Variants in PITPNM2 observed in about 807,000 individuals in gnomAD.
PITPNM2 encodes membrane-associated phosphatidylinositol transfer protein 2.
A neutral mutation model predicts 132.2 loss-of-function variants in PITPNM2; 35 were observed. That is an observed-to-expected ratio of 0.26 (90% CI 0.20 to 0.35). PITPNM2 has a LOEUF of 0.35. PITPNM2 is among the 10% of genes least tolerant of loss of function. The pLI is 1.00. For synonymous variants in PITPNM2, 738 were observed against 799.2 expected (o/e 0.92, Z 1.29); for missense variants, 1,332 against 1,912.0 (o/e 0.70, Z 5.66).
In PITPNM2 at chr12:123,004,305, T is replaced by TCAGTCCA; in HGVS notation, c.1048+82_1048+88dup. 8.2e-7 allele frequency: 1 copy of TCAGTCCA among 1,217,946 alleles called. No individual in the cohort carries two copies. Among genetic ancestry groups the TCAGTCCA allele is most frequent in the Non-Finnish European group, 1.2e-6 (1 of 833,204 alleles). The allele number at this position is 1,217,946 out of a possible 1,614,324, so 75.4% of individuals were successfully genotyped here. On this transcript the variant is annotated intron_variant, in intron 8 of 25. Transcript: ENST00000320201. This position sits in a 1 kb window ranked among gnomAD's most constrained non-coding sequence, Gnocchi z 4.9. ...AGAATAGTAACAGGCAACACCCGCA[T>TCAGTCCA]CAGTCCACACCCACACCCTAAGCCC...
chr12:123,085,400 A>G (rs776987905), intron 2 of PITPNM2, among the ~76,000 whole-genome samples: 2 of 152,196 alleles, frequency 1.3e-5, no homozygotes, highest in African/African-American at 2.4e-5. Flanking sequence ...ATGCTGAGCA[A>G]AAGAAGCCAG....
chr12:123,106,410 T>TA lies in PITPNM2; in HGVS notation c.-96+3974dup, dbSNP rs74263735. 7.8e-3 allele frequency among the ~76,000 whole-genome samples: 1,130 copies of TA among 144,728 alleles called. 15 individuals carry two copies. Among genetic ancestry groups the TA allele is most frequent in the African/African-American group, 0.025 (1,002 of 40,048 alleles). The allele number at this position is 144,728 out of a possible 152,430, so 94.9% of individuals were successfully genotyped here. On this transcript the variant is annotated intron_variant, in intron 2 of 25. Transcript: ENST00000320201. The surrounding 1 kb of genome is among the most constrained non-coding windows in gnomAD (Gnocchi z 4.4). ...CTCTAAAATAAGTAAATAATTCCTT[T>TA]AAAAAAAAAAACAGGAAGAAAAGAA...
chr12:122,985,392 G>T lies in PITPNM2; in HGVS notation c.*635C>A, dbSNP rs1192707980. 1 of 152,468 alleles carries T rather than the reference G, an allele frequency of 6.6e-6. No homozygotes were observed. Among genetic ancestry groups the T allele is most frequent in the Non-Finnish European group, 1.5e-5 (1 of 68,062 alleles). The allele number at this position is 152,468 out of a possible 1,614,324, so 9.4% of individuals were successfully genotyped here. A position where few individuals can be genotyped will look rare whatever the true frequency, so the allele number is the denominator to read the frequency against. ...GGCAGACAGGTGGGCAGGGTCCGGG[G>T]TGCAGAAATTAAGATACAGCCTTTC... On this transcript the variant is annotated 3_prime_UTR_variant, in exon 26 of 26. Transcript: ENST00000320201.
chr12:123,057,617 G>T (rs1370552524), intron 2 of PITPNM2, among the ~76,000 whole-genome samples: 5 of 152,164 alleles, frequency 3.3e-5, no homozygotes, highest in Non-Finnish European at 7.4e-5. Context: ...CAGGCAATGG[G>T]CCTATGGACA....
chr12:123,075,109 TTG>T (rs930354173), intron 2 of PITPNM2, among the ~76,000 whole-genome samples: 38 of 152,284 alleles, frequency 2.5e-4, no homozygotes, highest in African/African-American at 9.1e-4. Flanking sequence ...GCACATGTAT[TTG>T]TGTGAGTGTG....
At chr12:123,143,479 T>C (rs2043549237) in intron 1 of PITPNM2, among the ~76,000 whole-genome samples, 1 of 152,144 alleles carries the variant, frequency 6.6e-6, no homozygotes, top group Non-Finnish European at 1.5e-5. Context: ...ATGACGTACG[T>C]ACGAACTCTT....
At chr12:123,109,268 A>T (rs1458646833) in intron 2 of PITPNM2, among the ~76,000 whole-genome samples, 1 of 152,152 alleles carries the variant, frequency 6.6e-6, no homozygotes, top group Non-Finnish European at 1.5e-5. Flanking sequence ...AGGAAAAATC[A>T]CTTTACCTCC....
chr12:123,140,177 G>A (rs2043474117), intron 1 of PITPNM2, among the ~76,000 whole-genome samples: 2 of 152,162 alleles, frequency 1.3e-5, no homozygotes, highest in African/African-American at 2.4e-5. Context: ...CCCGGGGAAC[G>A]CAGGCCCTAT....
chr12:123,096,642 C>T (rs2042417682), intron 2 of PITPNM2, among the ~76,000 whole-genome samples: 1 of 152,144 alleles, frequency 6.6e-6, no homozygotes, highest in African/African-American at 2.4e-5. Flanking sequence ...GGCCCGGGGG[C>T]ATCTGGAATC....
Position 122,993,097 on chromosome 12 carries a change from G to A in PITPNM2, c.2234-428C>T, listed in dbSNP as rs1296980563. On this transcript the variant is annotated intron_variant, in intron 15 of 25. Transcript: ENST00000320201. This position sits in a 1 kb window ranked among gnomAD's most constrained non-coding sequence, Gnocchi z 5.2. Reference sequence around the variant, plus strand: ...CCACCTGGGCCTCCCAAAGTGCTGGGATTACAGGCGTGAGCCACCACGCCT... The same window carrying A: ...CCACCTGGGCCTCCCAAAGTGCTGGAATTACAGGCGTGAGCCACCACGCCT... Among the ~76,000 whole-genome samples, 1 of 152,198 alleles carries A rather than the reference G, an allele frequency of 6.6e-6. No individual in the cohort carries two copies. The highest frequency in any genetic ancestry group is 1.5e-5 in the Non-Finnish European group (1 of 68,032).
At chr12:123,102,784 A>T (rs1278799835) in intron 2 of PITPNM2, among the ~76,000 whole-genome samples, 1 of 152,232 alleles carries the variant, frequency 6.6e-6, no homozygotes, top group Non-Finnish European at 1.5e-5. Flanking sequence ...CAATGAGAGG[A>T]CACCCCACAG....
rs2042846086 is a variant in PITPNM2, at chr12:123,111,961, C to A, written c.-199-1473G>T. 6.6e-6 allele frequency among the ~76,000 whole-genome samples: 1 copy of A among 152,110 alleles called. No homozygotes were observed. The highest frequency in any genetic ancestry group is 2.1e-4 in the South Asian group (1 of 4,820). ...GTTGAGGGTTTGCCATGGTAACGCACCCATCAATGGCGAGCCAGATTTGGT... is the reference window on the plus strand; with the variant it reads ...GTTGAGGGTTTGCCATGGTAACGCAACCATCAATGGCGAGCCAGATTTGGT... On this transcript the variant is annotated intron_variant, in intron 1 of 25. Coordinates refer to ENST00000320201, the MANE Select transcript of PITPNM2 (RefSeq NM_020845.3). This position sits in a 1 kb window ranked among gnomAD's most constrained non-coding sequence, Gnocchi z 4.1.
intron 11 of PITPNM2, 64 bp from the exon 12 acceptor site, chr12:122,996,974 C>T: frequency 7.1e-7 from 1 of 1,406,512 alleles, no homozygotes; most frequent in South Asian, 1.4e-5. Context: ...GGCCCCTCTC[C>T]CCTGACCTGA....
chr12:123,130,769 G>A (rs1305134820), intron 1 of PITPNM2, among the ~76,000 whole-genome samples: 1 of 152,108 alleles, frequency 6.6e-6, no homozygotes, highest in Non-Finnish European at 1.5e-5. Context: ...GACAGAGCGA[G>A]ACTCCATCTC....
intron 3 of PITPNM2, among the ~76,000 whole-genome samples, chr12:123,015,233 T>C (rs1001683260): frequency 1.3e-5 from 2 of 152,110 alleles, no homozygotes; most frequent in African/African-American, 4.8e-5. Flanking sequence ...GCCAAAACAA[T>C]CTTGAAAACA....
At chr12:122,998,805 A>C (rs2038536083) in intron 10 of PITPNM2, among the ~76,000 whole-genome samples, 1 of 152,092 alleles carries the variant, frequency 6.6e-6, no homozygotes. Flanking sequence ...CAGGGGCTGG[A>C]TCCAGGACTT....
At chr12:122,990,855 G>T in intron 16 of PITPNM2, 146 bp from the exon 17 acceptor site, 1 of 859,658 alleles carries the variant, frequency 1.2e-6, no homozygotes, top group Non-Finnish European at 1.7e-6. Flanking sequence ...TCAGGGCCGT[G>T]AGAGGAAGGG....
chr12:123,013,978 T>C lies in PITPNM2; in HGVS notation c.143A>G (p.Tyr48Cys). The change falls in exon 4 of 26, where the codon TAC becomes TGC. Residue 48 changes from tyrosine to cysteine, a missense_variant. Transcript: ENST00000320201. ...CCCAGAGCCGCCTGGGCCATCTGTG[T>C]ACGGCCGGTTCTCCAGGATCTCCAC... is the stretch of plus-strand genomic sequence containing the variant. ...SGVEILENRP[Y>C]TDGPGGSGQY... 6.2e-7 allele frequency: 1 copy of C among 1,614,264 alleles called. No homozygotes were observed. The highest frequency in any genetic ancestry group is 8.5e-7 in the Non-Finnish European group (1 of 1,180,040).
chr12:122,998,994 C>A (rs1358159733), intron 10 of PITPNM2, among the ~76,000 whole-genome samples: 1 of 152,064 alleles, frequency 6.6e-6, no homozygotes, highest in Admixed American at 6.6e-5. Flanking sequence ...ATCTGTAATC[C>A]CAGCTACTCG....
Sources: gnomAD v4.1 joint callset for allele counts (sites outside exome capture counted in the v4.1 genomes callset) on GRCh38, gnomAD v4.1.1 for gene constraint, Gnocchi (gnomAD v3.1) non-coding constraint, MANE v1.5 for transcripts, NCBI Gene and HGNC (gene_info 2026-07-23, HGNC 2026-07-21) for gene names.